Variants in PPP2R1A observed in about 807,000 individuals in gnomAD.
The protein encoded by PPP2R1A is serine/threonine-protein phosphatase 2A 65 kDa regulatory subunit A alpha isoform.
Under a neutral mutation model 67.1 loss-of-function variants are expected in PPP2R1A, and 15 were observed. The observed-to-expected ratio is 0.22, with a 90% CI of 0.15 to 0.34. The LOEUF is 0.34. Among genes scored for constraint, PPP2R1A ranks in the 10% least tolerant of loss-of-function variants. The pLI is 1.00. For synonymous variants in PPP2R1A, 337 were observed against 325.0 expected (o/e 1.04, Z -0.40); for missense variants, 369 against 775.0 (o/e 0.48, Z 6.22).
In PPP2R1A at chr19:52,213,430, C is replaced by T. The variant is rs1411625262; in HGVS notation, c.807+320C>T. On this transcript the variant is annotated intron_variant, in intron 6 of 14. Coordinates refer to ENST00000322088, the MANE Select transcript of PPP2R1A (RefSeq NM_014225.6). The surrounding 1 kb of genome is among the most constrained non-coding windows in gnomAD (Gnocchi z 4.2). ...AGCTGTCCTTTCACAAAGGGGAAGACAGCCCAAAAAGGTGGGGTTTTTTGG... is the reference window on the plus strand; with the variant it reads ...AGCTGTCCTTTCACAAAGGGGAAGATAGCCCAAAAAGGTGGGGTTTTTTGG... Among the ~76,000 whole-genome samples, 1 of 141,266 alleles carries T rather than the reference C, an allele frequency of 7.1e-6. No individual in the cohort carries two copies. Among genetic ancestry groups the T allele is most frequent in the Non-Finnish European group, 1.5e-5 (1 of 65,890 alleles). 92.7% of individuals were successfully genotyped at this position (141,266 alleles called of 152,430 possible).
At chr19:52,196,531 G>A (rs2089498264) in intron 1 of PPP2R1A, among the ~76,000 whole-genome samples, 1 of 152,178 alleles carries the variant, frequency 6.6e-6, no homozygotes, top group Admixed American at 6.5e-5. Context: ...TTTTATGAAG[G>A]AGGAAAATCT....
chr19:52,192,298 CTTTT>C (rs60482392), intron 1 of PPP2R1A, among the ~76,000 whole-genome samples: 1 of 144,386 alleles, frequency 6.9e-6, no homozygotes, highest in African/African-American at 2.5e-5. Context: ...ATGTAATGGC[CTTTT>C]TTTTTTTTTC....
intron 1 of PPP2R1A, among the ~76,000 whole-genome samples, chr19:52,196,262 A>G (rs7253157): frequency 0.14 from 21,142 of 152,166 alleles, 1,491 homozygotes; most frequent in Non-Finnish European, 0.15. Flanking sequence ...TAGATTTTCT[A>G]TCAGGAATGT....
In PPP2R1A at chr19:52,211,258, A is replaced by G. The variant is rs776797296; in HGVS notation, c.271-2A>G. On this transcript the variant is annotated splice_acceptor_variant, in intron 3 of 14. Coordinates refer to ENST00000322088, the MANE Select transcript of PPP2R1A (RefSeq NM_014225.6). LOFTEE classifies it high-confidence loss of function. The surrounding 1 kb of genome is among the most constrained non-coding windows in gnomAD (Gnocchi z 5.3). ...TCCAGTGACTTTGTGTTCTCACCAC[A>G]GCCACCGCTGGAGTCGCTGGCCACA... 1.2e-6 allele frequency: 2 copies of G among 1,611,730 alleles called. No individual in the cohort carries two copies. The highest frequency in any genetic ancestry group is 1.7e-6 in the Non-Finnish European group (2 of 1,179,598).
chr19:52,202,143 T>A, intron 2 of PPP2R1A, 109 bp downstream of exon 2: 1 of 914,924 alleles, frequency 1.1e-6, no homozygotes, highest in Non-Finnish European at 1.7e-6. Flanking sequence ...ATATCTGCCC[T>A]GTGTTAGACA....
Position 52,226,584 on chromosome 19 carries a change from G to A in PPP2R1A, c.*603G>A, listed in dbSNP as rs533043007. On this transcript the variant is annotated 3_prime_UTR_variant, in exon 15 of 15. Transcript: ENST00000322088. ...CCCAGGAGTGCTGCTGGCCTTTGGG[G>A]TAGAGGGTCCATGAGGTGCTCTGGG... 18 of 193,312 alleles carry A rather than the reference G, an allele frequency of 9.3e-5. No individual in the cohort carries two copies. Among genetic ancestry groups the A allele is most frequent in the African/African-American group, 3.5e-4 (15 of 43,152 alleles). 12.0% of individuals were successfully genotyped at this position (193,312 alleles called of 1,614,324 possible).
chr19:52,192,658 C>T (rs116435690), intron 1 of PPP2R1A, among the ~76,000 whole-genome samples: 1,642 of 152,218 alleles, frequency 0.011, 32 homozygotes, highest in African/African-American at 0.037. Context: ...CTTCAGCTAT[C>T]TATCCTCCCA....
intron 1 of PPP2R1A, chr19:52,190,442 G>A: frequency 5.4e-6 from 3 of 555,414 alleles, no homozygotes; most frequent in Non-Finnish European, 9.7e-6. Context: ...CTGGGAGGTT[G>A]TGGCCAGGGC....
chr19:52,205,877 A>C, intron 2 of PPP2R1A, 86 bp from the exon 3 acceptor site: 1 of 1,089,346 alleles, frequency 9.2e-7, no homozygotes, highest in Middle Eastern at 2.1e-4. Flanking sequence ...CAGCCTGAGG[A>C]AGCAGAATGG....
intron 1 of PPP2R1A, among the ~76,000 whole-genome samples, chr19:52,194,329 A>G (rs1276153960): frequency 6.6e-6 from 1 of 152,162 alleles, no homozygotes; most frequent in Non-Finnish European, 1.5e-5. Flanking sequence ...CAAAAAGGCC[A>G]GTGTGACTGA....
chr19:52,219,893 G>A lies in PPP2R1A; in HGVS notation c.1302+29G>A, dbSNP rs1234828349. The A allele has an allele frequency of 6.3e-7, 1 of 1,595,058 alleles. No homozygotes were observed. The highest frequency in any genetic ancestry group is 8.5e-7 in the Non-Finnish European group (1 of 1,171,584). ...AGTGAGGAGGCCTGGGGGCCAGGCA[G>A]TGCTGCCTCAGGGGAGGTGCAGTAT... On this transcript the variant is annotated intron_variant, in intron 10 of 14. Transcript: ENST00000322088. This position sits in a 1 kb window ranked among gnomAD's most constrained non-coding sequence, Gnocchi z 4.0.
Position 52,211,051 on chromosome 19 carries a change from A to G in PPP2R1A, c.271-209A>G, listed in dbSNP as rs2089663810. Among the ~76,000 whole-genome samples, 1 of 152,272 alleles carries G rather than the reference A, an allele frequency of 6.6e-6. No homozygotes were observed. The highest frequency in any genetic ancestry group is 2.4e-5 in the African/African-American group (1 of 41,480). On this transcript the variant is annotated intron_variant, in intron 3 of 14. Transcript: ENST00000322088. The surrounding 1 kb of genome is among the most constrained non-coding windows in gnomAD (Gnocchi z 5.3). ...GAACCTTTGTGGAAGGCACGCTGAC[A>G]GAGACCTTCTGCTGGCTGGCATAAT...
intron 1 of PPP2R1A, among the ~76,000 whole-genome samples, chr19:52,195,715 AAAG>A (rs2089491433): frequency 6.6e-6 from 1 of 152,186 alleles, no homozygotes; most frequent in African/African-American, 2.4e-5. Context: ...AGGATAGTAT[AAAG>A]AATACAGATG....
chr19:52,190,237 TC>T, intron 1 of PPP2R1A, 63 bp downstream of exon 1: 1 of 1,517,264 alleles, frequency 6.6e-7, no homozygotes, highest in African/African-American at 1.4e-5. Context: ...CGGGCGGCCC[TC>T]GCGGAGAAGA....
rs1428710618 is a variant in PPP2R1A at position 52,226,097 on chromosome 19, C to T, written c.*116C>T. On this transcript the variant is annotated 3_prime_UTR_variant, in exon 15 of 15. Coordinates refer to ENST00000322088, the MANE Select transcript of PPP2R1A (RefSeq NM_014225.6). ...GTCACTCCCTGTGCATGGTCTGACC[C>T]CAGGCCCCTTCCCCCAGCACGGTTC... 2.7e-6 allele frequency: 4 copies of T among 1,495,642 alleles called. No homozygotes were observed. The highest frequency in any genetic ancestry group is 1.7e-5 in the Admixed American group (1 of 57,856). 92.6% of individuals were successfully genotyped at this position (1,495,642 alleles called of 1,614,324 possible). A position where few individuals can be genotyped will look rare whatever the true frequency, so the allele number is the denominator to read the frequency against.
chr19:52,221,194 G>A, intron 12 of PPP2R1A, 61 bp downstream of exon 12: 1 of 1,597,542 alleles, frequency 6.3e-7, no homozygotes, highest in Non-Finnish European at 8.6e-7. Flanking sequence ...GGGAGAGGAG[G>A]GATGCTAGAG....
intron 1 of PPP2R1A, chr19:52,201,052 G>A (rs191384002): frequency 1.3e-5 from 2 of 150,570 alleles, no homozygotes; most frequent in East Asian, 3.9e-4. Context: ...CTAACCCTCC[G>A]TTTAGGATGA....
At chr19:52,223,065 T>C (rs1979039538) in intron 13 of PPP2R1A, among the ~76,000 whole-genome samples, 1 of 152,184 alleles carries the variant, frequency 6.6e-6, no homozygotes, top group South Asian at 2.1e-4. Context: ...TTAAAATAGA[T>C]GTGAACACAA....
chr19:52,217,929 G>A (rs1420948641), intron 9 of PPP2R1A, among the ~76,000 whole-genome samples: 2 of 152,082 alleles, frequency 1.3e-5, no homozygotes, highest in African/African-American at 2.4e-5. Flanking sequence ...AAGGCACCCT[G>A]AGGCTTATGT....
Sources: gnomAD v4.1 joint callset for allele counts (sites outside exome capture counted in the v4.1 genomes callset) on GRCh38, gnomAD v4.1.1 for gene constraint, Gnocchi (gnomAD v3.1) non-coding constraint, MANE v1.5 for transcripts, NCBI Gene and HGNC (gene_info 2026-07-23, HGNC 2026-07-21) for gene names.